GREM1: variants seen among roughly 807,000 people sequenced by gnomAD.
GREM1 encodes the protein gremlin-1.
In GREM1, 6 loss-of-function variants were observed where a neutral mutation model predicts 13.1. The ratio of observed to expected loss-of-function variants is 0.46; its 90% CI spans 0.25 to 0.91. The LOEUF is 0.91. Among genes scored for constraint, GREM1 ranks in the 40% least tolerant of loss-of-function variants. The pLI, the probability that GREM1 is intolerant of heterozygous loss-of-function variation, is 0.18. For missense variants in GREM1, 185 were observed against 233.9 expected, an observed-to-expected ratio of 0.79 and a Z score of 1.36; for synonymous variants, 98 against 93.7, an observed-to-expected ratio of 1.05 and a Z score of -0.27.
At chr15:32,719,239 C>T (rs530965687) in intron 1 of GREM1, among the ~76,000 whole-genome samples, 44 of 152,328 alleles carry the variant, frequency 2.9e-4, no homozygotes, top group Admixed American at 7.8e-4. Context: ...ACTACAGACT[C>T]CGGAAGAACA....
chr15:32,724,432 T>G (rs1298840400), intron 1 of GREM1, among the ~76,000 whole-genome samples: 1 of 152,238 alleles, frequency 6.6e-6, no homozygotes, highest in Non-Finnish European at 1.5e-5. Flanking sequence ...ACTCCTCCTC[T>G]GAAATGGGGA....
chr15:32,719,340 C>T (rs2055364147), intron 1 of GREM1, among the ~76,000 whole-genome samples: 1 of 152,248 alleles, frequency 6.6e-6, no homozygotes, highest in Admixed American at 6.5e-5. Context: ...CTGCGCCAGG[C>T]TCTGGCGACG....
At chr15:32,719,396 C>A (rs754672269) in intron 1 of GREM1, among the ~76,000 whole-genome samples, 1 of 152,212 alleles carries the variant, frequency 6.6e-6, no homozygotes, top group African/African-American at 2.4e-5. Flanking sequence ...TGACCAGCCT[C>A]TGCTGTGAAG....
Position 32,732,742 on chromosome 15 carries a change from C to T in GREM1, c.*1497C>T, listed in dbSNP as rs1015122048. The T allele has an allele frequency of 8.5e-6, 2 of 234,048 alleles. No individual in the cohort carries two copies. The highest frequency in any genetic ancestry group is 1.8e-5 in the Non-Finnish European group (2 of 109,338). The allele number at this position is 234,048 out of a possible 1,614,324, so 14.5% of individuals were successfully genotyped here. A position where few individuals can be genotyped will look rare whatever the true frequency, so the allele number is the denominator to read the frequency against. The stretch of plus-strand genomic sequence containing the variant: ...GCACTGTCCTCTGATTAAACTTGGC[C>T]TACTGGCAATGGCTACTTAGGATTG... On this transcript the variant is annotated 3_prime_UTR_variant, in exon 2 of 2. Transcript: ENST00000651154.
chr15:32,732,040 CAG>C lies in GREM1; in HGVS notation c.*798_*799del, dbSNP rs750010907. The stretch of plus-strand genomic sequence containing the variant: ...TAGTATTTAACAGAACCCAAGTGAA[CAG>C]AGGAGAAATGAGATTGCCAGAAAGT... On this transcript the variant is annotated 3_prime_UTR_variant, in exon 2 of 2. Transcript: ENST00000651154. 4.3e-6 allele frequency: 1 copy of C among 234,062 alleles called. No individual in the cohort carries two copies. The highest frequency in any genetic ancestry group is 9.2e-6 in the Non-Finnish European group (1 of 109,272). The allele number at this position is 234,062 out of a possible 1,614,324, so 14.5% of individuals were successfully genotyped here.
chr15:32,719,734 A>G (rs2055373264), intron 1 of GREM1, among the ~76,000 whole-genome samples: 2 of 152,214 alleles, frequency 1.3e-5, no homozygotes, highest in Admixed American at 1.3e-4. Flanking sequence ...CAGGGACCCC[A>G]GAGTAGTGGC....
intron 1 of GREM1, among the ~76,000 whole-genome samples, chr15:32,729,342 C>T (rs2055571137): frequency 6.6e-6 from 1 of 151,432 alleles, no homozygotes; most frequent in African/African-American, 2.4e-5. Flanking sequence ...TCTGCACTTT[C>T]AAGTCTAAGA....
At position 32,739,659 on chromosome 15, in the gene GREM1, T is replaced by G. The variant is rs2055744712; in HGVS notation, c.*8414T>G. 6.6e-6 allele frequency: 1 copy of G among 152,234 alleles called. No individual in the cohort carries two copies. Among genetic ancestry groups the G allele is most frequent in the Admixed American group, 6.5e-5 (1 of 15,288 alleles). 9.4% of individuals were successfully genotyped at this position (152,234 alleles called of 1,614,324 possible). ...CATCTATTCTGCAAAAATTCATGGC[T>G]AAATTCCTTTGTGAGGAATCCAGAA... On this transcript the variant is annotated 3_prime_UTR_variant, in exon 2 of 2. Coordinates refer to ENST00000651154, the MANE Select transcript of GREM1 (RefSeq NM_013372.7).
chr15:32,719,675 T>G lies in GREM1; in HGVS notation c.-2+1514T>G, dbSNP rs768670395. On this transcript the variant is annotated intron_variant, in intron 1 of 1. Coordinates refer to ENST00000651154, the MANE Select transcript of GREM1 (RefSeq NM_013372.7). ...GAGATGGTGCCAGGACACGAACTGATTAAAACAATCTATTGTGTTAAGTGG... is the reference window on the plus strand; with the variant it reads ...GAGATGGTGCCAGGACACGAACTGAGTAAAACAATCTATTGTGTTAAGTGG... Among the ~76,000 whole-genome samples the G allele has an allele frequency of 4.6e-5, 7 of 152,134 alleles. No homozygotes were observed. The highest frequency in any genetic ancestry group is 7.4e-5 in the Non-Finnish European group (5 of 68,022).
Position 32,734,035 on chromosome 15 carries a change from A to G in GREM1, c.*2790A>G, listed in dbSNP as rs1668379700. On this transcript the variant is annotated 3_prime_UTR_variant, in exon 2 of 2. Transcript: ENST00000651154. ...TCCTTTGGTCACTGTGATTTCAAGC[A>G]TGTTTTCTTTTTCTCCTTTATATGA... 1.2e-5 allele frequency: 3 copies of G among 242,566 alleles called. No homozygotes were observed. The highest frequency in any genetic ancestry group is 2.6e-5 in the Non-Finnish European group (3 of 114,856). 15.0% of individuals were successfully genotyped at this position (242,566 alleles called of 1,614,324 possible).
chr15:32,728,275 G>A (rs551029529), intron 1 of GREM1, among the ~76,000 whole-genome samples: 9 of 152,318 alleles, frequency 5.9e-5, no homozygotes, highest in African/African-American at 2.2e-4. Flanking sequence ...GCATGGTATA[G>A]TATAAGTGCT....
rs978336301 is a variant in GREM1, at chr15:32,738,938, G to A, written c.*7693G>A. 1.6e-4 allele frequency: 25 copies of A among 152,334 alleles called. No homozygotes were observed. The highest frequency in any genetic ancestry group is 5.1e-4 in the African/African-American group (21 of 41,570). The allele number at this position is 152,334 out of a possible 1,614,324, so 9.4% of individuals were successfully genotyped here. A position where few individuals can be genotyped will look rare whatever the true frequency, so the allele number is the denominator to read the frequency against. Reference sequence around the variant, plus strand: ...CACTCCAGCCTACATGACAGAGTAAGTCTCTGTCTCAAAAACAAAACAAAC... The same window carrying A: ...CACTCCAGCCTACATGACAGAGTAAATCTCTGTCTCAAAAACAAAACAAAC... On this transcript the variant is annotated 3_prime_UTR_variant, in exon 2 of 2. Transcript: ENST00000651154.
chr15:32,729,373 A>C (rs2055571908), intron 1 of GREM1, among the ~76,000 whole-genome samples: 1 of 21,594 alleles, frequency 4.6e-5, no homozygotes. Flanking sequence ...CAGGAGGAAA[A>C]TCTTTTTAGT....
rs143430532 is a variant in GREM1, at chr15:32,742,768, G to A, written c.*11523G>A. On this transcript the variant is annotated 3_prime_UTR_variant, in exon 2 of 2. Transcript: ENST00000651154. Reference sequence around the variant, plus strand: ...TTGGCAATGGTGCCAAGCATACTCAGTGGGAGAAATGATAATCTCTTCAAC... The same window carrying A: ...TTGGCAATGGTGCCAAGCATACTCAATGGGAGAAATGATAATCTCTTCAAC... 1 of 152,218 alleles carries A rather than the reference G, an allele frequency of 6.6e-6. No individual in the cohort carries two copies. The highest frequency in any genetic ancestry group is 1.9e-4 in the East Asian group (1 of 5,196). The allele number at this position is 152,218 out of a possible 1,614,324, so 9.4% of individuals were successfully genotyped here.
Position 32,743,473 on chromosome 15 carries a change from C to G in GREM1, c.*12228C>G, listed in dbSNP as rs1213009424. On this transcript the variant is annotated 3_prime_UTR_variant, in exon 2 of 2. Transcript: ENST00000651154. ...ATAGTACTTATATATTGCTTGGTAACAAATTATGCCAAAATTTAGTAGCTT... is the reference window on the plus strand; with the variant it reads ...ATAGTACTTATATATTGCTTGGTAAGAAATTATGCCAAAATTTAGTAGCTT... 6.6e-6 allele frequency: 1 copy of G among 152,174 alleles called. No individual in the cohort carries two copies. The highest frequency in any genetic ancestry group is 6.5e-5 in the Admixed American group (1 of 15,276). The allele number at this position is 152,174 out of a possible 1,614,324, so 9.4% of individuals were successfully genotyped here.
At position 32,729,710 on chromosome 15, in the gene GREM1, C is replaced by G. The variant is rs58202116; in HGVS notation, c.-1-980C>G. ...ATTGCCACTAATTTATTCAGCATGCCCATGCCATTTATTAATGTAAATATT... is the reference window on the plus strand; with the variant it reads ...ATTGCCACTAATTTATTCAGCATGCGCATGCCATTTATTAATGTAAATATT... On this transcript the variant is annotated intron_variant, in intron 1 of 1. Transcript: ENST00000651154. Among the ~76,000 whole-genome samples, 3,098 of 152,276 alleles carry G rather than the reference C, an allele frequency of 0.02. 107 individuals are homozygous for G. The highest frequency in any genetic ancestry group is 0.07 in the African/African-American group (2,905 of 41,536).
rs1255212084 is a variant in GREM1, at chr15:32,741,014, T to C, written c.*9769T>C. ...GATAAGAAGACTGGATGGCACCACA[T>C]GGGATAGGGGGAAAGTAGTTGAAAA... On this transcript the variant is annotated 3_prime_UTR_variant, in exon 2 of 2. Coordinates refer to ENST00000651154, the MANE Select transcript of GREM1 (RefSeq NM_013372.7). The C allele has an allele frequency of 6.6e-6, 1 of 151,976 alleles. No homozygotes were observed. The highest frequency in any genetic ancestry group is 2.4e-5 in the African/African-American group (1 of 41,380). 9.4% of individuals were successfully genotyped at this position (151,976 alleles called of 1,614,324 possible). A position where few individuals can be genotyped will look rare whatever the true frequency, so the allele number is the denominator to read the frequency against.
chr15:32,731,378 G>C lies in GREM1; in HGVS notation c.*133G>C. ...CCCAGCTGCCTCCTGGCAGGAGCCT[G>C]CTTGTGCGTAGTTCGTGTGCATGAG... On this transcript the variant is annotated 3_prime_UTR_variant, in exon 2 of 2. Coordinates refer to ENST00000651154, the MANE Select transcript of GREM1 (RefSeq NM_013372.7). The C allele has an allele frequency of 1.5e-6, 1 of 682,812 alleles. No homozygotes were observed. The highest frequency in any genetic ancestry group is 2.5e-6 in the Non-Finnish European group (1 of 396,092). The allele number at this position is 682,812 out of a possible 1,614,324, so 42.3% of individuals were successfully genotyped here.
intron 1 of GREM1, among the ~76,000 whole-genome samples, chr15:32,723,626 TAAAAA>T (rs35877271): frequency 2.8e-5 from 4 of 144,424 alleles, no homozygotes; most frequent in Non-Finnish European, 6.1e-5. Context: ...TACTTTTCTT[TAAAAA>T]AAAAAAAAAA....
Sources: gnomAD v4.1 joint callset for allele counts (sites outside exome capture counted in the v4.1 genomes callset) on GRCh38, gnomAD v4.1.1 for gene constraint, MANE v1.5 for transcripts, NCBI Gene and HGNC (gene_info 2026-07-23, HGNC 2026-07-21) for gene names.